HEATR3: variants seen among roughly 807,000 people sequenced by gnomAD.
HEATR3 encodes the protein HEAT repeat-containing protein 3.
Under a neutral mutation model 72.8 loss-of-function variants are expected in HEATR3, and 56 were observed. The observed-to-expected ratio is 0.77, with a 90% CI of 0.62 to 0.96. The LOEUF (loss-of-function observed/expected upper bound fraction) is 0.96, where lower values mean the gene tolerates loss of function less well. Among genes scored for constraint, HEATR3 ranks in the 40% least tolerant of loss-of-function variants. The probability of loss-of-function intolerance (pLI) is 0.00; values close to 1 mark genes in which losing one functional copy is unlikely to be tolerated. For missense variants in HEATR3, 747 were observed against 831.4 expected (o/e 0.90, Z 1.25); for synonymous variants, 331 against 318.1 (o/e 1.04, Z -0.43).
chr16:50,089,797 T>C (rs1486647273), intron 11 of HEATR3, among the ~76,000 whole-genome samples: 1 of 152,060 alleles, frequency 6.6e-6, no homozygotes, highest in African/African-American at 2.4e-5. Flanking sequence ...GCCTCCCAAG[T>C]AGCTGGGATT....
chr16:50,099,994 G>A (rs2037330064), intron 12 of HEATR3, among the ~76,000 whole-genome samples: 1 of 152,088 alleles, frequency 6.6e-6, no homozygotes, highest in Non-Finnish European at 1.5e-5. Flanking sequence ...ATTAAATGGA[G>A]CCCCTTTGAT....
rs768423573 is a variant in HEATR3 at position 50,100,285 on chromosome 16, A to C, written c.1655A>C (p.Asn552Thr). 1 of 1,614,052 alleles carries C rather than the reference A, an allele frequency of 6.2e-7. No homozygotes were observed. Among genetic ancestry groups the C allele is most frequent in the Non-Finnish European group, 8.5e-7 (1 of 1,179,932 alleles). Residue 552 changes from asparagine (N) to threonine (T), a missense_variant, in exon 13 of 15, where the codon AAT becomes ACT. Physicochemically the swap from Asn to Thr is moderately conservative, Grantham distance 65. Coordinates refer to ENST00000299192, the MANE Select transcript of HEATR3 (RefSeq NM_182922.4). ...TLCKAGIHSSNVGVRVNVVSI... is the reference protein window; with the variant it reads ...TLCKAGIHSSTVGVRVNVVSI... ...TGCAAAGCAGGCATTCATAGTAGTAATGTCGGGGTTAGAGTGAATGTCGTT... is the reference window on the plus strand; with the variant it reads ...TGCAAAGCAGGCATTCATAGTAGTACTGTCGGGGTTAGAGTGAATGTCGTT...
intron 4 of HEATR3, among the ~76,000 whole-genome samples, chr16:50,072,034 A>G (rs2036624073): frequency 1.3e-5 from 2 of 152,316 alleles, no homozygotes; most frequent in South Asian, 2.1e-4. Context: ...ATAAAATATA[A>G]TTTTATTTTC....
chr16:50,082,759 A>C (rs1244195289), intron 7 of HEATR3, among the ~76,000 whole-genome samples: 1 of 70,764 alleles, frequency 1.4e-5, no homozygotes, highest in East Asian at 3.5e-4. Context: ...CCATCTCTCA[A>C]AAAAAAAAAA....
At chr16:50,071,592 A>G (rs1421493384) in intron 4 of HEATR3, among the ~76,000 whole-genome samples, 1 of 152,126 alleles carries the variant, frequency 6.6e-6, no homozygotes, top group Non-Finnish European at 1.5e-5. Context: ...AACTTTTAAC[A>G]TTTTTGTTTC....
intron 6 of HEATR3, among the ~76,000 whole-genome samples, chr16:50,076,033 C>T (rs2036720171): frequency 6.8e-6 from 1 of 147,000 alleles, no homozygotes; most frequent in Non-Finnish European, 1.5e-5. Context: ...TTTTTTTTAA[C>T]CACCAACTCT....
At chr16:50,069,382 A>G (rs909582579) in intron 3 of HEATR3, 3 of 154,816 alleles carry the variant, frequency 1.9e-5, no homozygotes, top group Admixed American at 6.3e-5. Context: ...CTGGTCCTCT[A>G]TTCTGTACTG....
Position 50,083,957 on chromosome 16 carries a change from A to G in HEATR3, c.1062A>G (p.Arg354=). ...TTAAGCCCACTGACAAGGAACTGAGAGAGACTATAGCATTGCTGACAGCCC... is the reference window on the plus strand; with the variant it reads ...TTAAGCCCACTGACAAGGAACTGAGGGAGACTATAGCATTGCTGACAGCCC... ...DLLPPTDKEL[R]ETIALLTAQQ... Residue 354 remains arginine, a synonymous_variant, in exon 8 of 15, where the codon AGA becomes AGG. Transcript: ENST00000299192. 6.2e-7 allele frequency: 1 copy of G among 1,610,642 alleles called. No individual in the cohort carries two copies. The highest frequency in any genetic ancestry group is 8.5e-7 in the Non-Finnish European group (1 of 1,178,656).
At position 50,078,812 on chromosome 16, in the gene HEATR3, A is replaced by T. The variant is rs2036797442; in HGVS notation, c.835A>T (p.Ile279Phe). ...AGAAATCATAAATGCCTTACTAAAG[A>T]TCTTATCTGAAGTTTTGGGAATGGA... The part of the protein sequence containing the change: ...QAEIINALLK[I>F]LSEVLGMDAG... The change falls in exon 7 of 15, where the codon ATC becomes TTC. Residue 279 changes from isoleucine to phenylalanine, a missense_variant. Ile to Phe is a conservative substitution (Grantham distance 21). Around this residue, in one of 2 missense-constraint regions of HEATR3, gnomAD observed 586 missense variants for 708.8 expected, o/e 0.83. Transcript: ENST00000299192. 6.2e-7 allele frequency: 1 copy of T among 1,614,108 alleles called. No homozygotes were observed. Among genetic ancestry groups the T allele is most frequent in the Non-Finnish European group, 8.5e-7 (1 of 1,180,000 alleles).
rs1482812492 is a variant in HEATR3 at position 50,102,396 on chromosome 16, A to G, written c.1881A>G (p.Leu627=). 7 of 1,614,084 alleles carry G rather than the reference A, an allele frequency of 4.3e-6. No individual in the cohort carries two copies. The highest frequency in any genetic ancestry group is 1.6e-4 in the Middle Eastern group (1 of 6,062). ...GAGCCTCGATTCAAATTAAATTATT[A>G]TCTGCTCTGAAAGAATTCCAGCCGG... ...AERASIQIKL[L]SALKEFQPVF... Residue 627 remains leucine (L), a synonymous_variant, in exon 14 of 15, where the codon TTA becomes TTG. Coordinates refer to ENST00000299192, the MANE Select transcript of HEATR3 (RefSeq NM_182922.4).
intron 13 of HEATR3, among the ~76,000 whole-genome samples, chr16:50,101,718 C>T (rs1256636481): frequency 6.6e-6 from 1 of 152,080 alleles, no homozygotes; most frequent in Non-Finnish European, 1.5e-5. Flanking sequence ...ACAGTTAGAT[C>T]TACAGACTAG....
At chr16:50,103,966 C>G (rs565518689) in intron 14 of HEATR3, among the ~76,000 whole-genome samples, 105 of 152,210 alleles carry the variant, frequency 6.9e-4, no homozygotes, top group Non-Finnish European at 1.2e-3. Flanking sequence ...GAGTTGGAGG[C>G]TACAGTGAGC....
At chr16:50,072,525 G>T (rs2036634075) in intron 4 of HEATR3, 80 bp from the exon 5 acceptor site, 1 of 916,044 alleles carries the variant, frequency 1.1e-6, no homozygotes, top group Non-Finnish European at 1.7e-6. Flanking sequence ...AGCCTCGTTT[G>T]TTTTTTTATG....
chr16:50,084,273 C>T lies in HEATR3; in HGVS notation c.1272C>T (p.Asn424=). The part of the protein sequence containing the change: ...LSHEVHTALT[N]YLIPKKIFEK... ...ATGAAGTTCACACGGCTCTCACCAA[C>T]TACCTCATCCCAAAGAAGGTAATCC... Residue 424 remains asparagine (N), a synonymous_variant, in exon 9 of 15, where the codon AAC becomes AAT. Coordinates refer to ENST00000299192, the MANE Select transcript of HEATR3 (RefSeq NM_182922.4). The T allele has an allele frequency of 6.2e-7, 1 of 1,613,944 alleles. No homozygotes were observed. Among genetic ancestry groups the T allele is most frequent in the Non-Finnish European group, 8.5e-7 (1 of 1,179,990 alleles).
At chr16:50,099,772 A>G (rs998503780) in intron 12 of HEATR3, among the ~76,000 whole-genome samples, 1 of 152,236 alleles carries the variant, frequency 6.6e-6, no homozygotes, top group African/African-American at 2.4e-5. Flanking sequence ...ACTACATGGT[A>G]GAAGCACCAT....
Position 50,068,774 on chromosome 16 carries a change from G to T in HEATR3, c.312-6G>T. On this transcript the variant is annotated splice_region_variant and splice_polypyrimidine_tract_variant and intron_variant, in intron 2 of 14. Coordinates refer to ENST00000299192, the MANE Select transcript of HEATR3 (RefSeq NM_182922.4). ...AAGTAAAACATGTTTTAAACTTCTT[G>T]TGTAGAAATCTCAGTGCTTGTGGAG... The T allele has an allele frequency of 6.2e-7, 1 of 1,608,534 alleles. No homozygotes were observed. The highest frequency in any genetic ancestry group is 8.5e-7 in the Non-Finnish European group (1 of 1,175,392).
At position 50,078,832 on chromosome 16, in the gene HEATR3, A is replaced by G; in HGVS notation, c.855A>G (p.Gly285=). 1 of 1,614,134 alleles carries G rather than the reference A, an allele frequency of 6.2e-7. No individual in the cohort carries two copies. The highest frequency in any genetic ancestry group is 8.5e-7 in the Non-Finnish European group (1 of 1,180,008). Reference sequence around the variant, plus strand: ...TAAAGATCTTATCTGAAGTTTTGGGAATGGATGCTGGTGAAATGGTTATTC... The same window carrying G: ...TAAAGATCTTATCTGAAGTTTTGGGGATGGATGCTGGTGAAATGGTTATTC... ...ALLKILSEVL[G]MDAGEMVIQM... is the part of the protein sequence containing the mutation. Residue 285 remains glycine, a synonymous_variant, in exon 7 of 15, where the codon GGA becomes GGG. Coordinates refer to ENST00000299192, the MANE Select transcript of HEATR3 (RefSeq NM_182922.4).
rs2037494735 is a variant in HEATR3 at position 50,106,732 on chromosome 16, A to C, written c.*1671A>C. ...CAAAAGGCCCAATCCCCAGTACAGG[A>C]CTTAATTTTAATTCACTGCTTCCAC... On this transcript the variant is annotated 3_prime_UTR_variant, in exon 15 of 15. Coordinates refer to ENST00000299192, the MANE Select transcript of HEATR3 (RefSeq NM_182922.4). The C allele has an allele frequency of 6.6e-6, 1 of 152,124 alleles. No individual in the cohort carries two copies. The highest frequency in any genetic ancestry group is 6.6e-5 in the Admixed American group (1 of 15,258). 9.4% of individuals were successfully genotyped at this position (152,124 alleles called of 1,614,324 possible).
chr16:50,066,900 T>C (rs558851310), intron 2 of HEATR3: 17 of 229,302 alleles, frequency 7.4e-5, no homozygotes, highest in Admixed American at 1.1e-4. Flanking sequence ...CCAAGACTTT[T>C]GAGCGAGATC....
Sources: gnomAD v4.1 joint callset for allele counts (sites outside exome capture counted in the v4.1 genomes callset) on GRCh38, gnomAD v4.1.1 for gene constraint, gnomAD v4.1.1 regional missense constraint, MANE v1.5 for transcripts, NCBI Gene and HGNC (gene_info 2026-07-23, HGNC 2026-07-21) for gene names.